The following MRPL10 variants were observed in gnomAD, a reference collection of about 807,000 sequenced individuals.
The protein encoded by MRPL10 is large ribosomal subunit protein uL10m.
Under a neutral mutation model 19.8 loss-of-function variants are expected in MRPL10, and 14 were observed. That is an observed-to-expected ratio of 0.71 (90% CI 0.47 to 1.11). The LOEUF (loss-of-function observed/expected upper bound fraction) is 1.11, where lower values mean the gene tolerates loss of function less well. Among genes scored for constraint, MRPL10 ranks in the 50% least tolerant of loss-of-function variants. The pLI, the probability that MRPL10 is intolerant of heterozygous loss-of-function variation, is 0.00. For synonymous variants in MRPL10, 129 were observed against 139.2 expected (o/e 0.93, Z 0.52); for missense variants, 318 against 339.6 (o/e 0.94, Z 0.50).
rs761435307 is a variant in MRPL10, at chr17:47,828,561, G to A, written c.162C>T (p.Ile54=). Residue 54 remains isoleucine, a synonymous_variant, in exon 2 of 5, where the codon ATC becomes ATT. Coordinates refer to ENST00000351111, the MANE Select transcript of MRPL10 (RefSeq NM_145255.4). ...RQKLMAVTEY[I]PPKPAIHPSC... Reference sequence around the variant, plus strand: ...ATGGGTGGATGGCTGGTTTCGGGGGGATATATTCAGTCACAGCCATCAGCT... The same window carrying A: ...ATGGGTGGATGGCTGGTTTCGGGGGAATATATTCAGTCACAGCCATCAGCT... 1.7e-5 allele frequency: 26 copies of A among 1,505,398 alleles called. No individual in the cohort carries two copies. The highest frequency in any genetic ancestry group is 2.3e-5 in the Non-Finnish European group (26 of 1,133,402). 93.3% of individuals were successfully genotyped at this position (1,505,398 alleles called of 1,614,324 possible).
At position 47,827,179 on chromosome 17, in the gene MRPL10, C is replaced by T. The variant is rs369022041; in HGVS notation, c.248G>A (p.Arg83His). Reference sequence around the variant, plus strand: ...CTGGAAAACTGCTGCTATCTCCCGGCGGAGAAGCCTGATGAGGCCTATCTC... The same window carrying T: ...CTGGAAAACTGCTGCTATCTCCCGGTGGAGAAGCCTGATGAGGCCTATCTC... ...QEEIGLIRLLRREIAAVFQDN... is the reference protein window; with the variant it reads ...QEEIGLIRLLHREIAAVFQDN... Residue 83 changes from arginine to histidine, a missense_variant, in exon 3 of 5, where the codon CGC (arginine) becomes CAC (histidine). Coordinates refer to ENST00000351111, the MANE Select transcript of MRPL10 (RefSeq NM_145255.4). 22 of 1,612,348 alleles carry T rather than the reference C, an allele frequency of 1.4e-5. No homozygotes were observed. Among genetic ancestry groups the T allele is most frequent in the South Asian group, 2.2e-5 (2 of 90,846 alleles).
intron 1 of MRPL10, chr17:47,829,391 T>C (rs62076131): frequency 0.27 from 41,323 of 152,288 alleles, 6,959 homozygotes; most frequent in Non-Finnish European, 0.38. Context: ...TTGGGGCCCA[T>C]GTAATCTGTC....
Position 47,823,514 on chromosome 17 carries a change from C to T in MRPL10, c.*691G>A, listed in dbSNP as rs1280147070. On this transcript the variant is annotated 3_prime_UTR_variant, in exon 5 of 5. Transcript: ENST00000351111. Reference sequence around the variant, plus strand: ...GTGCTCCCAAACTTTTCACAGCGTACACCTCGAGGGTGGAGAACTAACATC... The same window carrying T: ...GTGCTCCCAAACTTTTCACAGCGTATACCTCGAGGGTGGAGAACTAACATC... The T allele has an allele frequency of 7.0e-6, 1 of 143,214 alleles. No homozygotes were observed. Among genetic ancestry groups the T allele is most frequent in the Admixed American group, 6.8e-5 (1 of 14,642 alleles). The allele number at this position is 143,214 out of a possible 1,614,324, so 8.9% of individuals were successfully genotyped here. A position where few individuals can be genotyped will look rare whatever the true frequency, so the allele number is the denominator to read the frequency against.
intron 2 of MRPL10, chr17:47,828,228 G>C: frequency 3.4e-6 from 1 of 291,906 alleles, no homozygotes; most frequent in Non-Finnish European, 6.3e-6. Context: ...AGATTGGAGA[G>C]ATACTCTCCC....
At chr17:47,825,777 T>C (rs181733948) in intron 4 of MRPL10, among the ~76,000 whole-genome samples, 2 of 152,308 alleles carry the variant, frequency 1.3e-5, no homozygotes, top group African/African-American at 2.4e-5. Context: ...ATGGTTAAGA[T>C]GGTAAATTTT....
Position 47,826,688 on chromosome 17 carries a change from C to A in MRPL10, c.481G>T (p.Val161Phe), listed in dbSNP as rs1386571333. The A allele has an allele frequency of 1.9e-6, 3 of 1,614,070 alleles. No individual in the cohort carries two copies. In the African/African-American group the frequency reaches 4.0e-5, roughly 22 times the overall value. The change falls in exon 4 of 5, where the codon GTC becomes TTC. Residue 161 changes from valine (V) to phenylalanine (F), a missense_variant. Physicochemically the swap from Val to Phe is conservative, Grantham distance 50. Coordinates refer to ENST00000351111, the MANE Select transcript of MRPL10 (RefSeq NM_145255.4). Reference protein sequence around the residue: ...NMLLVSEEPKVKEMVRILRTV... With the variant: ...NMLLVSEEPKFKEMVRILRTV... Reference sequence around the variant, plus strand: ...CTTAAGATCCGTACCATCTCCTTGACCTTGGGCTCTTCACTGACCAGCAGC... The same window carrying A: ...CTTAAGATCCGTACCATCTCCTTGAACTTGGGCTCTTCACTGACCAGCAGC...
chr17:47,826,585 G>C, intron 4 of MRPL10, 52 bp downstream of exon 4: 1 of 1,603,168 alleles, frequency 6.2e-7, no homozygotes, highest in Admixed American at 1.7e-5. Context: ...CCTAGCAGAT[G>C]GCAGCAGGCC....
chr17:47,826,146 CAAAAAA>C (rs67519028), intron 4 of MRPL10, among the ~76,000 whole-genome samples: 1 of 74,198 alleles, frequency 1.3e-5, no homozygotes. Flanking sequence ...GACTCCATCT[CAAAAAA>C]AAAAAAAAAA....
rs1297202785 is a variant in MRPL10, at chr17:47,826,702, C to T, written c.467G>A (p.Ser156Asn). 1.2e-6 allele frequency: 2 copies of T among 1,614,116 alleles called. No homozygotes were observed. Among genetic ancestry groups the T allele is most frequent in the African/African-American group, 1.3e-5 (1 of 74,922 alleles). Residue 156 changes from serine (S) to asparagine (N), a missense_variant, in exon 4 of 5, where the codon AGT becomes AAT. By Grantham distance (46) the Ser-to-Asn change is conservative (BLOSUM62 1). Coordinates refer to ENST00000351111, the MANE Select transcript of MRPL10 (RefSeq NM_145255.4). ...LFVGHNMLLV[S>N]EEPKVKEMVR... ...CATCTCCTTGACCTTGGGCTCTTCA[C>T]TGACCAGCAGCATGTTGTGCCCCAC... is the stretch of plus-strand genomic sequence containing the variant.
intron 1 of MRPL10, among the ~76,000 whole-genome samples, chr17:47,830,568 C>T (rs1318259498): frequency 1.3e-5 from 2 of 151,732 alleles, no homozygotes; most frequent in East Asian, 1.9e-4. Context: ...TGCAGCAATG[C>T]GATCTCGGCC....
chr17:47,825,540 G>C (rs1390466109), intron 4 of MRPL10, among the ~76,000 whole-genome samples: 1 of 152,108 alleles, frequency 6.6e-6, no homozygotes, highest in Non-Finnish European at 1.5e-5. Context: ...TGGGAGGATG[G>C]ATTAAGCCAA....
At chr17:47,831,421 G>C in intron 1 of MRPL10, 39 bp downstream of exon 1, 1 of 1,547,630 alleles carries the variant, frequency 6.5e-7, no homozygotes, top group Non-Finnish European at 8.7e-7. Flanking sequence ...CTAGAGAGCG[G>C]CCGCAAGACA....
rs1344745928 is a variant in MRPL10 at position 47,824,274 on chromosome 17, C to T, written c.717G>A (p.Glu239=). The change falls in exon 5 of 5, where the codon GAG becomes GAA. Residue 239 remains glutamate (E), a synonymous_variant. Coordinates refer to ENST00000351111, the MANE Select transcript of MRPL10 (RefSeq NM_145255.4). ...LTTLLDQYIR[E]QREKDSVMSA... ...ACATGACAGAATCCTTCTCGCGTTG[C>T]TCTCTGATGTACTGGTCCAACAGGG... The T allele has an allele frequency of 6.2e-7, 1 of 1,614,188 alleles. No homozygotes were observed. Among genetic ancestry groups the T allele is most frequent in the Non-Finnish European group, 8.5e-7 (1 of 1,180,034 alleles).
intron 1 of MRPL10, chr17:47,829,296 A>AGGAAGGAC (rs1555633914): frequency 0.04 from 6,078 of 150,198 alleles, 159 homozygotes; most frequent in Non-Finnish European, 0.06. Context: ...GAAGGAAGGA[A>AGGAAGGAC]AGAGAGAGAG....
chr17:47,824,179 T>G lies in MRPL10; in HGVS notation c.*26A>C. 1 of 1,613,936 alleles carries G rather than the reference T, an allele frequency of 6.2e-7. No individual in the cohort carries two copies. The highest frequency in any genetic ancestry group is 1.1e-5 in the South Asian group (1 of 91,050). ...CAGCCAATAACGCAGAGTGTATTTA[T>G]GCGCAGGGCTGGCTAAACAGGCTGG... On this transcript the variant is annotated 3_prime_UTR_variant, in exon 5 of 5. Coordinates refer to ENST00000351111, the MANE Select transcript of MRPL10 (RefSeq NM_145255.4).
At chr17:47,826,571 CA>C in intron 4 of MRPL10, 65 bp downstream of exon 4, 1 of 1,589,378 alleles carries the variant, frequency 6.3e-7, no homozygotes. Flanking sequence ...TTTACCAAGA[CA>C]AGCCTAGCAG....
Position 47,823,783 on chromosome 17 carries a change from C to CA in MRPL10, c.*421dup, listed in dbSNP as rs1319712227. On this transcript the variant is annotated 3_prime_UTR_variant, in exon 5 of 5. Transcript: ENST00000351111. ...GTACAGCACTCAGCACAAAGCCTGG[C>CA]ACACAGCAGGCTCTCACCAGGTGCC... The CA allele has an allele frequency of 8.1e-5, 22 of 270,840 alleles. No individual in the cohort carries two copies. The highest frequency in any genetic ancestry group is 1.4e-5 in the Non-Finnish European group (2 of 139,432). The allele number at this position is 270,840 out of a possible 1,614,324, so 16.8% of individuals were successfully genotyped here.
In MRPL10 at chr17:47,824,388, G is replaced by A. The variant is rs756463665; in HGVS notation, c.603C>T (p.Pro201=). The change falls in exon 5 of 5, where the codon CCC becomes CCT. Residue 201 remains proline, a synonymous_variant. Coordinates refer to ENST00000351111, the MANE Select transcript of MRPL10 (RefSeq NM_145255.4). ...CTCCTACAAGCTCCCCCTGCACCAG[G>A]GGCAGGCTGGGGAGCTTGGAGTAGT... The part of the protein sequence containing the change: ...FINYSKLPSL[P]LVQGELVGGL... 1.3e-5 allele frequency: 21 copies of A among 1,604,566 alleles called. No individual in the cohort carries two copies. In the African/African-American group the frequency reaches 2.5e-4, roughly 19 times the overall value.
intron 4 of MRPL10, among the ~76,000 whole-genome samples, chr17:47,825,482 G>A (rs1252245856): frequency 6.6e-6 from 1 of 152,052 alleles, no homozygotes; most frequent in Non-Finnish European, 1.5e-5. Context: ...AAAATTAGCT[G>A]GACATGGTGG....
Sources: allele counts gnomAD v4.1 joint callset (sites outside exome capture counted in the v4.1 genomes callset), GRCh38; gene constraint gnomAD v4.1.1; transcripts MANE v1.5; gene names NCBI Gene and HGNC (gene_info 2026-07-23, HGNC 2026-07-21).